The following GBE1 variants were observed in gnomAD, a reference collection of about 807,000 sequenced individuals.
GBE1 encodes 1,4-alpha-glucan branching enzyme 1.
In GBE1, 70 loss-of-function variants were observed where a neutral mutation model predicts 88.8. That is an observed-to-expected ratio of 0.79 (90% CI 0.65 to 0.96). The LOEUF (loss-of-function observed/expected upper bound fraction) is 0.96, where lower values mean the gene tolerates loss of function less well. GBE1 is among the 40% of genes least tolerant of loss of function. The pLI is 0.00. For missense variants in GBE1, 872 were observed against 871.0 expected (o/e 1.00, Z -0.01); for synonymous variants, 284 against 300.1 (o/e 0.95, Z 0.56).
chr3:81,684,817 A>G (rs2107135425), intron 2 of GBE1, among the ~76,000 whole-genome samples: 1 of 152,326 alleles, frequency 6.6e-6, no homozygotes, highest in Non-Finnish European at 1.5e-5. Context: ...AGGCATGTCA[A>G]TATAGCAGCT....
rs533496330 is a variant in GBE1 at position 81,683,791 on chromosome 3, G to T, written c.314-12838C>A. On this transcript the variant is annotated intron_variant, in intron 2 of 15. Coordinates refer to ENST00000429644, the MANE Select transcript of GBE1 (RefSeq NM_000158.4). Reference sequence around the variant, plus strand: ...GTTATTATTTAAGAAACCTGACAAAGAATTGAGGGAGGGATTTTCTTTCAT... The same window carrying T: ...GTTATTATTTAAGAAACCTGACAAATAATTGAGGGAGGGATTTTCTTTCAT... Among the ~76,000 whole-genome samples the T allele has an allele frequency of 6.6e-5, 10 of 152,218 alleles. No homozygotes were observed. In the East Asian group the frequency reaches 1.9e-3, roughly 29 times the overall value.
intron 14 of GBE1, among the ~76,000 whole-genome samples, chr3:81,532,293 A>G (rs1703020819): frequency 6.6e-6 from 1 of 151,870 alleles, no homozygotes; most frequent in Admixed American, 6.6e-5. Flanking sequence ...GTTCTATTCA[A>G]CCATCTTGCA....
chr3:81,622,184 T>C (rs1704342182), intron 7 of GBE1, among the ~76,000 whole-genome samples: 1 of 152,208 alleles, frequency 6.6e-6, no homozygotes. Flanking sequence ...TCTTAACCCA[T>C]ATGAATCAGA....
In GBE1 at chr3:81,759,963, C is replaced by CA. The variant is rs377675066; in HGVS notation, c.143+1411dup. 4.4e-3 allele frequency among the ~76,000 whole-genome samples: 661 copies of CA among 149,348 alleles called. 10 individuals are homozygous for CA. The highest frequency in any genetic ancestry group is 0.014 in the Middle Eastern group (4 of 290). ...ATTAATGTCATGGTTACAAGGACAT[C>CA]AAAAAAAAAATCTAACCACTACCTT... is the stretch of plus-strand genomic sequence containing the variant. On this transcript the variant is annotated intron_variant, in intron 1 of 15. Transcript: ENST00000429644.
At chr3:81,559,936 C>G (rs1703395698) in intron 12 of GBE1, among the ~76,000 whole-genome samples, 1 of 151,926 alleles carries the variant, frequency 6.6e-6, no homozygotes, top group South Asian at 2.1e-4. Flanking sequence ...TATTTGGCCT[C>G]ATTTATAGTA....
At chr3:81,712,326 C>G (rs1406685329) in intron 1 of GBE1, among the ~76,000 whole-genome samples, 1 of 152,190 alleles carries the variant, frequency 6.6e-6, no homozygotes, top group African/African-American at 2.4e-5. Flanking sequence ...GATTATAAAT[C>G]ATGCTGCTAT....
chr3:81,533,342 T>C (rs1289286580), intron 14 of GBE1, among the ~76,000 whole-genome samples: 1 of 151,906 alleles, frequency 6.6e-6, no homozygotes, highest in Admixed American at 6.6e-5. Context: ...ACCCATCACA[T>C]TGATTTATCT....
chr3:81,643,910 T>C (rs987032106), intron 6 of GBE1, among the ~76,000 whole-genome samples: 1 of 152,206 alleles, frequency 6.6e-6, no homozygotes, highest in South Asian at 2.1e-4. Flanking sequence ...GTCCTGATCG[T>C]GGCCTACTGC....
chr3:81,740,439 C>G (rs184302500), intron 1 of GBE1, among the ~76,000 whole-genome samples: 1 of 150,978 alleles, frequency 6.6e-6, no homozygotes, highest in African/African-American at 2.4e-5. Context: ...AAAGCCAAAA[C>G]AAAACAAAAC....
chr3:81,594,095 C>T (rs893638032), intron 7 of GBE1, 72 bp from the exon 8 acceptor site: 4 of 647,612 alleles, frequency 6.2e-6, no homozygotes, highest in Non-Finnish European at 2.7e-6. Flanking sequence ...TAAATGTTTG[C>T]TATTAACTAA....
At chr3:81,538,053 G>C (rs1051534352) in intron 12 of GBE1, among the ~76,000 whole-genome samples, 3 of 151,688 alleles carry the variant, frequency 2.0e-5, no homozygotes, top group African/African-American at 7.3e-5. Flanking sequence ...AAAATTAAAT[G>C]CTACTTTCCA....
chr3:81,510,439 G>A (rs901478189), intron 14 of GBE1, among the ~76,000 whole-genome samples: 27 of 152,030 alleles, frequency 1.8e-4, no homozygotes, highest in African/African-American at 6.3e-4. Context: ...TTAGAAAGCC[G>A]AAGAACAGGG....
chr3:81,586,661 C>T (rs149062894), intron 9 of GBE1, among the ~76,000 whole-genome samples: 25 of 152,170 alleles, frequency 1.6e-4, no homozygotes, highest in African/African-American at 5.5e-4. Context: ...AACAGTGAAA[C>T]AGTACAATAG....
chr3:81,656,751 T>C (rs1704944902), intron 3 of GBE1, among the ~76,000 whole-genome samples: 1 of 152,184 alleles, frequency 6.6e-6, no homozygotes, highest in Non-Finnish European at 1.5e-5. Context: ...TACTAATACG[T>C]TACAGTGAAC....
rs557466790 is a variant in GBE1, at chr3:81,704,773, C to T, written c.313+671G>A. Among the ~76,000 whole-genome samples, 4 of 152,164 alleles carry T rather than the reference C, an allele frequency of 2.6e-5. No individual in the cohort carries two copies. The East Asian group carries it at 5.8e-4, about 22-fold the overall frequency. ...TCATCATTCTAGTAATGTATTTACC[C>T]TTCAAGAATAAAACTTAGTAGATTG... is the stretch of plus-strand genomic sequence containing the variant. On this transcript the variant is annotated intron_variant, in intron 2 of 15. Coordinates refer to ENST00000429644, the MANE Select transcript of GBE1 (RefSeq NM_000158.4).
chr3:81,650,518 G>C (rs1228742911), intron 3 of GBE1, among the ~76,000 whole-genome samples: 10 of 151,898 alleles, frequency 6.6e-5, no homozygotes, highest in Non-Finnish European at 1.5e-4. Flanking sequence ...TCACATATTT[G>C]CCAGCAATAT....
chr3:81,688,870 T>C (rs1705480066), intron 2 of GBE1, among the ~76,000 whole-genome samples: 1 of 151,604 alleles, frequency 6.6e-6, no homozygotes, highest in South Asian at 2.1e-4. Flanking sequence ...TATATGTAAA[T>C]TACACAGGCA....
intron 2 of GBE1, among the ~76,000 whole-genome samples, chr3:81,687,493 C>T (rs1026743696): frequency 1.3e-5 from 2 of 152,026 alleles, no homozygotes; most frequent in African/African-American, 4.8e-5. Context: ...TCTGAAAAGT[C>T]AAGGCAACTA....
chr3:81,749,015 AAAAAAAG>A (rs1281557896), intron 1 of GBE1, among the ~76,000 whole-genome samples: 9 of 148,392 alleles, frequency 6.1e-5, no homozygotes, highest in South Asian at 2.1e-4. Context: ...CAAAAAAAAA[AAAAAAAG>A]AAAAAAGAAA....
Sources: gnomAD v4.1 joint callset for allele counts (sites outside exome capture counted in the v4.1 genomes callset) on GRCh38, gnomAD v4.1.1 for gene constraint, MANE v1.5 for transcripts, NCBI Gene and HGNC (gene_info 2026-07-23, HGNC 2026-07-21) for gene names.